RTTN: variants seen among roughly 807,000 people sequenced by gnomAD.
RTTN encodes the protein rotatin.
RTTN carries 182 observed loss-of-function variants against 269.2 expected under a neutral mutation model. The ratio of observed to expected loss-of-function variants is 0.68; its 90% confidence interval spans 0.60 to 0.76. RTTN has a LOEUF of 0.76. Among genes scored for constraint, RTTN ranks in the 30% least tolerant of loss-of-function variants. RTTN has a pLI of 0.00. For synonymous variants in RTTN, 1,006 were observed against 963.5 expected (o/e 1.04, Z -0.82); for missense variants, 2,545 against 2,608.6 (o/e 0.98, Z 0.53).
chr18:70,084,282 C>G (rs906357131), intron 32 of RTTN, among the ~76,000 whole-genome samples: 2 of 151,864 alleles, frequency 1.3e-5, no homozygotes, highest in Non-Finnish European at 2.9e-5. Flanking sequence ...TTTAACAAAG[C>G]TCCTAAACAT....
intron 12 of RTTN, among the ~76,000 whole-genome samples, chr18:70,168,383 T>C (rs556086618): frequency 1.3e-5 from 2 of 152,312 alleles, no homozygotes; most frequent in East Asian, 3.9e-4. Flanking sequence ...GTCATCCTAA[T>C]ACATTATAAA....
Position 70,092,658 on chromosome 18 carries a change from C to G in RTTN, c.4032+18G>C. The G allele has an allele frequency of 6.2e-7, 1 of 1,605,062 alleles. No homozygotes were observed. Among genetic ancestry groups the G allele is most frequent in the Non-Finnish European group, 8.5e-7 (1 of 1,173,656 alleles). Reference sequence around the variant, plus strand: ...TTCAAGCAAATGTTCAGAAGATAGACAGCTTTAACGCGCTCACCAAGCTCC... The same window carrying G: ...TTCAAGCAAATGTTCAGAAGATAGAGAGCTTTAACGCGCTCACCAAGCTCC... On this transcript the variant is annotated intron_variant, in intron 29 of 48. Coordinates refer to ENST00000640769, the MANE Select transcript of RTTN (RefSeq NM_173630.4).
chr18:70,175,045 C>CAAAAAAA (rs5825998), intron 11 of RTTN, among the ~76,000 whole-genome samples: 519 of 85,754 alleles, frequency 6.1e-3, no homozygotes, highest in Middle Eastern at 0.034. Flanking sequence ...AAACCAAAAC[C>CAAAAAAA]AAAAAAAAAA....
chr18:70,167,666 T>C (rs1198916994), intron 12 of RTTN, among the ~76,000 whole-genome samples: 2 of 148,838 alleles, frequency 1.3e-5, no homozygotes, highest in East Asian at 4.0e-4. Flanking sequence ...ACTGCACCAC[T>C]GCACTCCAGC....
At chr18:70,191,512 A>G (rs755086265) in intron 8 of RTTN, among the ~76,000 whole-genome samples, 2 of 152,332 alleles carry the variant, frequency 1.3e-5, no homozygotes, top group East Asian at 1.9e-4. Context: ...CACTTAGTAC[A>G]TTCGACATCA....
Position 70,190,569 on chromosome 18 carries a change from A to G in RTTN, c.1158T>C (p.Ile386=), listed in dbSNP as rs767523018. ...QLSLPQFCVS[I]LESAVPLLRT... ...TTAAGAGAGGAACAGCTGATTCCAG[A>G]ATGGAGACACAAAACTGGGGAAGAC... The change falls in exon 9 of 49, where the codon ATT becomes ATC. Residue 386 remains isoleucine, a synonymous_variant. Coordinates refer to ENST00000640769, the MANE Select transcript of RTTN (RefSeq NM_173630.4). 5 of 1,613,758 alleles carry G rather than the reference A, an allele frequency of 3.1e-6. No individual in the cohort carries two copies. Among genetic ancestry groups the G allele is most frequent in the Non-Finnish European group, 2.5e-6 (3 of 1,179,768 alleles).
rs935758825 is a variant in RTTN at position 70,116,887 on chromosome 18, C to T, written c.3529-2288G>A. On this transcript the variant is annotated intron_variant, in intron 26 of 48. Coordinates refer to ENST00000640769, the MANE Select transcript of RTTN (RefSeq NM_173630.4). ...GAGCTTCACCAAAAGAAGAAAAAAACTAACAGCCCCACATTTGTGAACTTC... is the reference window on the plus strand; with the variant it reads ...GAGCTTCACCAAAAGAAGAAAAAAATTAACAGCCCCACATTTGTGAACTTC... 8.2e-5 allele frequency among the ~76,000 whole-genome samples: 12 copies of T among 147,126 alleles called. No homozygotes were observed. In the East Asian group the frequency reaches 2.5e-3, roughly 30 times the overall value.
chr18:70,114,587 G>C lies in RTTN; in HGVS notation c.3541C>G (p.Leu1181Val), dbSNP rs1324579681. The C allele has an allele frequency of 6.2e-7, 1 of 1,612,600 alleles. No homozygotes were observed. The highest frequency in any genetic ancestry group is 1.3e-5 in the African/African-American group (1 of 74,882). ...TCTGTCAGAACCAAGAGGTCTAACAGTGGGTTTGCACTCTAAAAAATGAAA... is the reference window on the plus strand; with the variant it reads ...TCTGTCAGAACCAAGAGGTCTAACACTGGGTTTGCACTCTAAAAAATGAAA... ...ELLLRHSANP[L>V]LDLLVLTESQ... Residue 1181 changes from leucine to valine, a missense_variant, in exon 27 of 49, where the codon CTG becomes GTG. Transcript: ENST00000640769.
intron 46 of RTTN, among the ~76,000 whole-genome samples, chr18:70,011,416 G>A (rs2056368562): frequency 1.3e-5 from 2 of 152,150 alleles, no homozygotes; most frequent in Admixed American, 1.3e-4. Context: ...TCATCCCTGG[G>A]ATGCAAGGCT....
intron 30 of RTTN, among the ~76,000 whole-genome samples, chr18:70,090,413 T>G (rs548751694): frequency 1.5e-5 from 1 of 68,274 alleles, no homozygotes; most frequent in African/African-American, 2.6e-5. Context: ...ACAAAATACA[T>G]AAATGTGGTC....
At chr18:70,200,714 CT>C (rs1179681737) in intron 4 of RTTN, among the ~76,000 whole-genome samples, 1 of 152,174 alleles carries the variant, frequency 6.6e-6, no homozygotes, top group African/African-American at 2.4e-5. Flanking sequence ...TGAACATATC[CT>C]TTTCAACTTA....
chr18:70,006,588 A>T (rs1006953218), intron 46 of RTTN, 104 bp from the exon 47 acceptor site: 21 of 843,430 alleles, frequency 2.5e-5, no homozygotes, highest in Non-Finnish European at 3.3e-5. Context: ...TAGAATGCAT[A>T]CATAAAGTTG....
intron 38 of RTTN, among the ~76,000 whole-genome samples, 153 bp downstream of exon 38, chr18:70,053,978 G>T (rs2057744922): frequency 6.6e-6 from 1 of 152,128 alleles, no homozygotes; most frequent in Non-Finnish European, 1.5e-5. Context: ...CCATTAAAAG[G>T]CATCCAAACT....
chr18:70,131,017 C>T (rs4891811), intron 23 of RTTN: 124,543 of 151,754 alleles, frequency 0.82, 54,694 homozygotes, highest in East Asian at 1. Flanking sequence ...GAATGGGGAA[C>T]ACAGTTCCTT....
intron 11 of RTTN, among the ~76,000 whole-genome samples, chr18:70,175,876 CTGTG>C (rs745444408): frequency 3.9e-5 from 6 of 152,090 alleles, no homozygotes; most frequent in Non-Finnish European, 7.4e-5. Context: ...TGTTTGTATT[CTGTG>C]TGTCAAGGAA....
At chr18:70,123,065 G>A (rs1311318243) in intron 25 of RTTN, among the ~76,000 whole-genome samples, 1 of 151,932 alleles carries the variant, frequency 6.6e-6, no homozygotes, top group Non-Finnish European at 1.5e-5. Context: ...TATAATATTT[G>A]TTGAATATGG....
intron 21 of RTTN, among the ~76,000 whole-genome samples, chr18:70,137,251 A>G (rs886133888): frequency 3.0e-4 from 45 of 152,190 alleles, no homozygotes; most frequent in African/African-American, 1.1e-3. Flanking sequence ...TAAATAACCC[A>G]ATAACCATTT....
chr18:70,030,836 G>A lies in RTTN; in HGVS notation c.5647+40C>T, dbSNP rs189165208. The A allele has an allele frequency of 2.9e-5, 41 of 1,402,650 alleles. No individual in the cohort carries two copies. In the African/African-American group the frequency reaches 4.7e-4, roughly 16 times the overall value. 86.9% of individuals were successfully genotyped at this position (1,402,650 alleles called of 1,614,324 possible). A position where few individuals can be genotyped will look rare whatever the true frequency, so the allele number is the denominator to read the frequency against. On this transcript the variant is annotated intron_variant, in intron 41 of 48. Coordinates refer to ENST00000640769, the MANE Select transcript of RTTN (RefSeq NM_173630.4). Reference sequence around the variant, plus strand: ...GAACAAGCAACAAAACATATGAATTGATAATGCCATCAAAACAGCTGATGT... The same window carrying A: ...GAACAAGCAACAAAACATATGAATTAATAATGCCATCAAAACAGCTGATGT...
intron 14 of RTTN, among the ~76,000 whole-genome samples, chr18:70,157,634 A>G (rs2060717187): frequency 6.6e-6 from 1 of 152,178 alleles, no homozygotes; most frequent in Non-Finnish European, 1.5e-5. Flanking sequence ...GGCTAAAATG[A>G]CAGAATTCAG....
Sources: gnomAD v4.1 joint callset for allele counts (sites outside exome capture counted in the v4.1 genomes callset) on GRCh38, gnomAD v4.1.1 for gene constraint, MANE v1.5 for transcripts, NCBI Gene and HGNC (gene_info 2026-07-23, HGNC 2026-07-21) for gene names.